The following AFG3L2 variants were observed in gnomAD, a reference collection of about 807,000 sequenced individuals.
The protein encoded by AFG3L2 is mitochondrial inner membrane m-AAA protease component AFG3L2.
Under a neutral mutation model 94.5 loss-of-function variants are expected in AFG3L2, and 54 were observed. The observed-to-expected ratio is 0.57, with a 90% CI of 0.46 to 0.72. The LOEUF is 0.72. AFG3L2 is among the 30% of genes least tolerant of loss of function. AFG3L2 has a pLI of 0.00. For synonymous variants in AFG3L2, 377 were observed against 365.5 expected, an observed-to-expected ratio of 1.03 and a Z score of -0.36; for missense variants, 754 against 994.9, an observed-to-expected ratio of 0.76 and a Z score of 3.26.
intron 16 of AFG3L2, among the ~76,000 whole-genome samples, chr18:12,331,376 CTTG>C (rs1907518984): frequency 6.6e-6 from 1 of 152,240 alleles, no homozygotes; most frequent in Non-Finnish European, 1.5e-5. Flanking sequence ...CCTACAAAAG[CTTG>C]CTGCTCATGC....
At chr18:12,332,997 TTATA>T (rs377201173) in intron 16 of AFG3L2, among the ~76,000 whole-genome samples, 10,534 of 54,532 alleles carry the variant, frequency 0.19, 840 homozygotes, top group East Asian at 0.35. Context: ...ATTATATAAA[TTATA>T]TATAATATAA....
chr18:12,338,131 G>A (rs903038416), intron 15 of AFG3L2, among the ~76,000 whole-genome samples: 1 of 152,098 alleles, frequency 6.6e-6, no homozygotes, highest in Non-Finnish European at 1.5e-5. Context: ...GGAATGCAGT[G>A]CATGATCATA....
chr18:12,368,951 T>C (rs1908893173), intron 3 of AFG3L2, among the ~76,000 whole-genome samples: 1 of 152,196 alleles, frequency 6.6e-6, no homozygotes, highest in Non-Finnish European at 1.5e-5. Flanking sequence ...CCCTCTAGTG[T>C]AGCAGGATGG....
chr18:12,330,072 C>T (rs1182186908), intron 16 of AFG3L2, among the ~76,000 whole-genome samples: 1 of 152,240 alleles, frequency 6.6e-6, no homozygotes, highest in African/African-American at 2.4e-5. Flanking sequence ...CGGTAGCTCG[C>T]GCCTGTAATC....
At chr18:12,371,976 C>A (rs975972154) in intron 1 of AFG3L2, among the ~76,000 whole-genome samples, 2 of 152,208 alleles carry the variant, frequency 1.3e-5, no homozygotes, top group African/African-American at 4.8e-5. Context: ...ACAACACATT[C>A]ACTTTGATGA....
At chr18:12,371,021 A>G (rs1313473331) in intron 2 of AFG3L2, 95 bp from the exon 3 acceptor site, 4 of 775,770 alleles carry the variant, frequency 5.2e-6, no homozygotes, top group Non-Finnish European at 2.1e-6. Context: ...ATCACTGAAA[A>G]GCACAAGCTG....
At chr18:12,364,800 G>A (rs1908759248) in intron 5 of AFG3L2, among the ~76,000 whole-genome samples, 1 of 151,890 alleles carries the variant, frequency 6.6e-6, no homozygotes, top group Non-Finnish European at 1.5e-5. Context: ...CTGAGTAGCT[G>A]GGACTAAGAA....
At chr18:12,365,001 A>G (rs148899188) in intron 5 of AFG3L2, among the ~76,000 whole-genome samples, 1 of 152,292 alleles carries the variant, frequency 6.6e-6, no homozygotes, top group East Asian at 1.9e-4. Context: ...CTGTTAAAAC[A>G]CCACATCCCA....
intron 13 of AFG3L2, among the ~76,000 whole-genome samples, chr18:12,345,942 G>A (rs756445471): frequency 3.9e-5 from 6 of 152,150 alleles, no homozygotes; most frequent in Non-Finnish European, 8.8e-5. Context: ...AAACCACATT[G>A]CTCTACCAGC....
At chr18:12,344,076 C>G (rs1422975686) in intron 14 of AFG3L2, 56 bp downstream of exon 14, 1 of 1,428,234 alleles carries the variant, frequency 7.0e-7, no homozygotes, top group African/African-American at 1.4e-5. Context: ...TGAGTGACTG[C>G]AGCGAGCATC....
At chr18:12,361,371 G>A (rs572797734) in intron 6 of AFG3L2, among the ~76,000 whole-genome samples, 8 of 152,116 alleles carry the variant, frequency 5.3e-5, no homozygotes, top group East Asian at 1.9e-4. Flanking sequence ...AAACAAGGCC[G>A]GGTGCAGTGG....
At chr18:12,353,514 C>CAAAAAAAAAAAAAAAAAA in intron 9 of AFG3L2, among the ~76,000 whole-genome samples, 1 of 81,062 alleles carries the variant, frequency 1.2e-5, no homozygotes, top group Non-Finnish European at 2.4e-5. Context: ...AATTCTGTCT[C>CAAAAAAAAAAAAAAAAAA]AAAAAAAAAA....
rs763265663 is a variant in AFG3L2, at chr18:12,358,938, A to C, written c.758T>G (p.Phe253Cys). The C allele has an allele frequency of 2.5e-6, 4 of 1,612,644 alleles. No individual in the cohort carries two copies. The highest frequency in any genetic ancestry group is 2.5e-6 in the Non-Finnish European group (3 of 1,179,280). ...VVYIAESDGS[F>C]LLSMLPTVLI... ...CACCGTAGGCAGCATGCTCAGCAGA[A>C]AAGAGCTGGGGACACACAGCGCAAC... The change falls in exon 8 of 17, where the codon TTT becomes TGT. Residue 253 changes from phenylalanine to cysteine, a missense_variant. By Grantham distance (205) the Phe-to-Cys change is radical (BLOSUM62 -2). Transcript: ENST00000269143.
chr18:12,371,486 A>T, intron 2 of AFG3L2, 106 bp downstream of exon 2: 4 of 859,622 alleles, frequency 4.7e-6, no homozygotes, highest in Non-Finnish European at 7.9e-6. Flanking sequence ...ACATATCTTC[A>T]TCGCTGTAAT....
chr18:12,335,706 C>T (rs1052133379), intron 16 of AFG3L2, among the ~76,000 whole-genome samples: 7 of 152,244 alleles, frequency 4.6e-5, no homozygotes, highest in Non-Finnish European at 1.0e-4. Context: ...CCTTCCCCTT[C>T]CTTCAGCTCT....
At position 12,330,455 on chromosome 18, in the gene AFG3L2, A is replaced by G. The variant is rs551828827; in HGVS notation, c.2176-672T>C. 3.9e-5 allele frequency among the ~76,000 whole-genome samples: 6 copies of G among 152,246 alleles called. No individual in the cohort carries two copies. The South Asian group carries it at 1.2e-3, about 32-fold the overall frequency. On this transcript the variant is annotated intron_variant, in intron 16 of 16. Coordinates refer to ENST00000269143, the MANE Select transcript of AFG3L2 (RefSeq NM_006796.3). Reference sequence around the variant, plus strand: ...ATCTTACGTTTGCTTTTCTGAGGTGATAAGAATGTATCTTTTTATGTGCAT... The same window carrying G: ...ATCTTACGTTTGCTTTTCTGAGGTGGTAAGAATGTATCTTTTTATGTGCAT...
At chr18:12,343,838 G>GA in intron 14 of AFG3L2, 2 of 482,672 alleles carry the variant, frequency 4.1e-6, no homozygotes, top group Non-Finnish European at 7.5e-6. Flanking sequence ...CCTTTGGCAA[G>GA]AAAGCCACAG....
At chr18:12,362,483 T>C (rs1908690404) in intron 6 of AFG3L2, among the ~76,000 whole-genome samples, 1 of 152,190 alleles carries the variant, frequency 6.6e-6, no homozygotes. Flanking sequence ...CTTTACAATC[T>C]TGAAATACAA....
chr18:12,353,269 C>T (rs1312624980), intron 9 of AFG3L2, 111 bp from the exon 10 acceptor site: 3 of 1,330,526 alleles, frequency 2.3e-6, no homozygotes, highest in Non-Finnish European at 3.1e-6. Flanking sequence ...AATCCCAGCA[C>T]TGTGGGAGGC....
Sources: allele counts gnomAD v4.1 joint callset (sites outside exome capture counted in the v4.1 genomes callset), GRCh38; gene constraint gnomAD v4.1.1; transcripts MANE v1.5; gene names NCBI Gene and HGNC (gene_info 2026-07-23, HGNC 2026-07-21).